NAV2: variants seen among roughly 807,000 people sequenced by gnomAD.
NAV2 encodes helicase, APC down-regulated 1.
A neutral mutation model predicts 223.2 loss-of-function variants in NAV2; 54 were observed. The ratio of observed to expected loss-of-function variants is 0.24; its 90% CI spans 0.19 to 0.30. NAV2 has a LOEUF of 0.30. Among genes scored for constraint, NAV2 ranks in the 10% least tolerant of loss-of-function variants. NAV2 has a pLI of 1.00. For synonymous variants in NAV2, 1,279 were observed against 1,239.3 expected, an observed-to-expected ratio of 1.03 and a Z score of -0.67; for missense variants, 2,806 against 3,147.5, an observed-to-expected ratio of 0.89 and a Z score of 2.60.
At chr11:20,002,770 G>A (rs1227109132) in intron 11 of NAV2, among the ~76,000 whole-genome samples, 1 of 152,124 alleles carries the variant, frequency 6.6e-6, no homozygotes, top group East Asian at 1.9e-4. Flanking sequence ...GTTCCACTGT[G>A]CCCTTCAGAA....
intron 1 of NAV2, among the ~76,000 whole-genome samples, chr11:19,507,419 C>A (rs542109630): frequency 2.0e-4 from 31 of 152,286 alleles, no homozygotes; most frequent in Admixed American, 4.6e-4. Flanking sequence ...TGACTTCATC[C>A]TCATTTGTTG....
intron 5 of NAV2, among the ~76,000 whole-genome samples, chr11:19,891,344 C>T (rs2041481818): frequency 6.6e-6 from 1 of 152,162 alleles, no homozygotes; most frequent in Non-Finnish European, 1.5e-5. Context: ...ATTCATCTTT[C>T]AACTTTAATT....
rs1448412364 is a variant in NAV2, at chr11:19,594,513, G to C, written c.76-237971G>C. 2.0e-5 allele frequency among the ~76,000 whole-genome samples: 3 copies of C among 151,546 alleles called. No homozygotes were observed. In the East Asian group the frequency reaches 5.8e-4, roughly 29 times the overall value. ...GAAGCAGGCTGCTGCTGCTGCTGCT[G>C]TCATGGAAAGCACAGTAACGAGTCA... On this transcript the variant is annotated intron_variant, in intron 1 of 37. Coordinates refer to the NAV2 transcript ENST00000360655.
At chr11:19,732,917 TTTA>T (rs1350417078) in intron 1 of NAV2, among the ~76,000 whole-genome samples, 2 of 152,258 alleles carry the variant, frequency 1.3e-5, no homozygotes, top group Non-Finnish European at 2.9e-5. Flanking sequence ...GGGCCTCATT[TTTA>T]TTATCTTATT....
chr11:19,711,632 A>G (rs1376403531), upstream of NAV2: 1 of 152,224 alleles, frequency 6.6e-6, no homozygotes, highest in Non-Finnish European at 1.5e-5. Context: ...AGCACTGAAG[A>G]TCAGGCTATA....
chr11:19,901,284 C>T (rs145076131), intron 6 of NAV2, among the ~76,000 whole-genome samples: 150 of 152,334 alleles, frequency 9.8e-4, no homozygotes, highest in African/African-American at 3.4e-3. Context: ...TGATGACTCA[C>T]GCCTGTAATC....
chr11:19,668,485 T>A (rs10766578), intron 1 of NAV2, among the ~76,000 whole-genome samples: 110,256 of 146,820 alleles, frequency 0.75, 45,705 homozygotes, highest in East Asian at 0.93. Flanking sequence ...GTGAGCCGAA[T>A]TCATGCCATT....
chr11:19,739,555 A>T (rs1355002286), intron 1 of NAV2, among the ~76,000 whole-genome samples: 17 of 152,116 alleles, frequency 1.1e-4, no homozygotes, highest in Admixed American at 1.0e-3. Context: ...TGGCCCTCAG[A>T]CTGAATCAGG....
rs1485059955 is a variant in NAV2 at position 20,120,981 on chromosome 11, C to T, written c.*2723C>T. The T allele has an allele frequency of 6.6e-6, 1 of 152,516 alleles. No homozygotes were observed. The highest frequency in any genetic ancestry group is 2.4e-5 in the African/African-American group (1 of 41,416). 9.4% of individuals were successfully genotyped at this position (152,516 alleles called of 1,614,324 possible). ...GTTACCAATGGAAGCCAAAAGTTCTCTTCCCAAACTGCCAAGAATGATACA... is the reference window on the plus strand; with the variant it reads ...GTTACCAATGGAAGCCAAAAGTTCTTTTCCCAAACTGCCAAGAATGATACA... On this transcript the variant is annotated 3_prime_UTR_variant, in exon 38 of 38. Coordinates refer to ENST00000349880, the MANE Select transcript of NAV2 (RefSeq NM_145117.5).
At chr11:19,724,561 G>A (rs1038315070) in intron 1 of NAV2, among the ~76,000 whole-genome samples, 6 of 152,154 alleles carry the variant, frequency 3.9e-5, no homozygotes, top group Non-Finnish European at 8.8e-5. Flanking sequence ...TTTGCACTTG[G>A]CTCAAAGAAT....
intron 8 of NAV2, 68 bp downstream of exon 8, chr11:19,939,841 C>A: frequency 9.3e-7 from 1 of 1,077,322 alleles, no homozygotes; most frequent in Non-Finnish European, 1.4e-6. Context: ...CCTGCTGGAA[C>A]AGCATGAACC....
At chr11:19,945,059 T>A (rs1313980443) in intron 8 of NAV2, among the ~76,000 whole-genome samples, 1 of 138,432 alleles carries the variant, frequency 7.2e-6, no homozygotes, top group African/African-American at 2.5e-5. Flanking sequence ...TCCTTTTCTC[T>A]TTCCTTTCCT....
At position 19,698,495 on chromosome 11, in the gene NAV2, G is replaced by A. The variant is rs148223962; in HGVS notation, c.76-133989G>A. 1.2e-3 allele frequency among the ~76,000 whole-genome samples: 181 copies of A among 152,296 alleles called. 1 individual carries two copies. The highest frequency in any genetic ancestry group is 4.0e-3 in the African/African-American group (165 of 41,556). ...GGCAGTGGCTTTCCCAAGGTCACCCGGACTGTGAAGAGCACAACCAGGAGC... is the reference window on the plus strand; with the variant it reads ...GGCAGTGGCTTTCCCAAGGTCACCCAGACTGTGAAGAGCACAACCAGGAGC... On this transcript the variant is annotated intron_variant, in intron 1 of 37. Coordinates refer to the NAV2 transcript ENST00000360655.
intron 11 of NAV2, chr11:20,023,258 T>C (rs2054675044): frequency 3.2e-6 from 1 of 314,922 alleles, no homozygotes; most frequent in African/African-American, 3.1e-5. Flanking sequence ...TAAATCACTG[T>C]GAGCTATGTG....
At chr11:19,420,649 C>T (rs943992600) in intron 1 of NAV2, among the ~76,000 whole-genome samples, 4 of 152,184 alleles carry the variant, frequency 2.6e-5, no homozygotes, top group Non-Finnish European at 5.9e-5. Context: ...AGACACAAGA[C>T]TCCATACGTA....
At chr11:19,602,550 G>A (rs1243498880) in intron 1 of NAV2, among the ~76,000 whole-genome samples, 1 of 152,142 alleles carries the variant, frequency 6.6e-6, no homozygotes, top group Admixed American at 6.6e-5. Flanking sequence ...CAAACTTGGT[G>A]ACTTAAGACA....
chr11:19,945,471 C>T (rs1253394288), intron 8 of NAV2, among the ~76,000 whole-genome samples: 6 of 152,066 alleles, frequency 3.9e-5, no homozygotes, highest in Non-Finnish European at 8.8e-5. Context: ...ACCTTCTAAA[C>T]TAAAGACATC....
chr11:19,807,097 G>A (rs1256035566), intron 1 of NAV2, among the ~76,000 whole-genome samples: 1 of 152,214 alleles, frequency 6.6e-6, no homozygotes, highest in African/African-American at 2.4e-5. Flanking sequence ...AATGTGATGT[G>A]TGCATTGCGG....
intron 1 of NAV2, among the ~76,000 whole-genome samples, chr11:19,793,186 G>A (rs1201890502): frequency 1.6e-5 from 2 of 127,414 alleles, no homozygotes; most frequent in Non-Finnish European, 3.2e-5. Flanking sequence ...CCAGCCTGGC[G>A]ATAGAGTGAC....
Sources: allele counts gnomAD v4.1 joint callset (sites outside exome capture counted in the v4.1 genomes callset), GRCh38; gene constraint gnomAD v4.1.1; transcripts MANE v1.5; gene names NCBI Gene and HGNC (gene_info 2026-07-23, HGNC 2026-07-21).